C10orf90: variants seen among roughly 807,000 people sequenced by gnomAD.
The protein encoded by C10orf90 is (E2-independent) E3 ubiquitin-conjugating enzyme FATS.
A neutral mutation model predicts 62.5 loss-of-function variants in C10orf90; 56 were observed. The observed-to-expected ratio is 0.90, with a 90% confidence interval of 0.72 to 1.12. The LOEUF (loss-of-function observed/expected upper bound fraction) is 1.12, where lower values mean the gene tolerates loss of function less well. C10orf90 is among the 50% of genes most tolerant of loss of function. The probability of loss-of-function intolerance (pLI) is 0.00; values close to 1 mark genes in which losing one functional copy is unlikely to be tolerated. For missense variants in C10orf90, 970 were observed against 880.4 expected, an observed-to-expected ratio of 1.10 and a Z score of -1.29; for synonymous variants, 386 against 340.4, an observed-to-expected ratio of 1.13 and a Z score of -1.47.
At chr10:126,665,321 GA>G (rs1846604487) in intron 1 of C10orf90, among the ~76,000 whole-genome samples, 1 of 152,268 alleles carries the variant, frequency 6.6e-6, no homozygotes, top group African/African-American at 2.4e-5. Flanking sequence ...TGGAAATAGG[GA>G]AAATTGTTTT....
intron 2 of C10orf90, among the ~76,000 whole-genome samples, chr10:126,542,915 A>C (rs1864410007): frequency 1.3e-5 from 2 of 152,220 alleles, no homozygotes; most frequent in South Asian, 4.1e-4. Flanking sequence ...ATATGTGTAT[A>C]TATGTATATA....
At chr10:126,606,993 T>C (rs537653821) in intron 2 of C10orf90, among the ~76,000 whole-genome samples, 6 of 152,334 alleles carry the variant, frequency 3.9e-5, no homozygotes, top group South Asian at 2.1e-4. Flanking sequence ...GGGATTTCCA[T>C]GATCCTTAAG....
intron 4 of C10orf90, among the ~76,000 whole-genome samples, chr10:126,484,335 T>A (rs535186736): frequency 6.6e-6 from 1 of 151,890 alleles, no homozygotes; most frequent in East Asian, 1.9e-4. Flanking sequence ...GATTTAGGGG[T>A]CCCTATACAC....
In C10orf90 at chr10:126,610,176, C is replaced by T. The variant is rs370875456; in HGVS notation, c.313+36389G>A. ...GGACCATGTCCACAGGGCTCCCTGG[C>T]CTCTGGCTTCTAGGGGGTTCACCCA... On this transcript the variant is annotated intron_variant, in intron 2 of 9. Coordinates refer to ENST00000488181, the MANE Select transcript of C10orf90 (RefSeq NM_001350921.2). 9.8e-5 allele frequency among the ~76,000 whole-genome samples: 15 copies of T among 152,322 alleles called. No homozygotes were observed. In the South Asian group the frequency reaches 2.9e-3, roughly 29 times the overall value.
At chr10:126,485,551 C>T (rs1861384040) in intron 4 of C10orf90, among the ~76,000 whole-genome samples, 1 of 152,102 alleles carries the variant, frequency 6.6e-6, no homozygotes, top group African/African-American at 2.4e-5. Context: ...GCCAACTTAA[C>T]ATTCTAGTGG....
intron 7 of C10orf90, among the ~76,000 whole-genome samples, chr10:126,449,912 G>A (rs1207864601): frequency 2.0e-5 from 3 of 150,752 alleles, no homozygotes; most frequent in East Asian, 2.0e-4. Context: ...CAGAAGAATC[G>A]CTTGAACCTG....
chr10:126,626,993 TTCTTTTC>T (rs1302763381), intron 2 of C10orf90, among the ~76,000 whole-genome samples: 6,245 of 123,144 alleles, frequency 0.051, 136 homozygotes, highest in Middle Eastern at 0.096. Flanking sequence ...CTTTTTCTTT[TTCTTTTC>T]TTTTTTTTTT....
intron 2 of C10orf90, among the ~76,000 whole-genome samples, chr10:126,608,343 C>T (rs1179130061): frequency 6.6e-6 from 1 of 152,168 alleles, no homozygotes; most frequent in East Asian, 1.9e-4. Context: ...AACTCCTGGA[C>T]TCAAGCGATC....
chr10:126,566,428 A>G lies in C10orf90; in HGVS notation c.314-52489T>C, dbSNP rs147883915. ...CCTTCAGGGAACAAGAAAGAAAAAC[A>G]TCAAGAATTACCGCCAGTTTCAGTG... On this transcript the variant is annotated intron_variant, in intron 2 of 9. Coordinates refer to ENST00000488181, the MANE Select transcript of C10orf90 (RefSeq NM_001350921.2). Among the ~76,000 whole-genome samples, 228 of 152,336 alleles carry G rather than the reference A, an allele frequency of 1.5e-3. 2 individuals carry two copies. In the Middle Eastern group the frequency reaches 0.024, roughly 16 times the overall value.
At chr10:126,565,375 A>AAT (rs1844351291) in intron 2 of C10orf90, among the ~76,000 whole-genome samples, 2 of 35,438 alleles carry the variant, frequency 5.6e-5, no homozygotes, top group Admixed American at 4.6e-4. Flanking sequence ...TATTTTATAT[A>AAT]ATAATATATA....
At chr10:126,585,456 GA>G (rs1844848864) in intron 2 of C10orf90, among the ~76,000 whole-genome samples, 1 of 149,526 alleles carries the variant, frequency 6.7e-6, no homozygotes, top group Non-Finnish European at 1.5e-5. Flanking sequence ...AAGGAGGGAA[GA>G]AGGAAGGAAA....
chr10:126,440,192 C>T (rs1858214165), intron 7 of C10orf90, among the ~76,000 whole-genome samples: 1 of 152,190 alleles, frequency 6.6e-6, no homozygotes, highest in Admixed American at 6.5e-5. Flanking sequence ...TGCCTGGAAA[C>T]AGACTTGGTG....
intron 2 of C10orf90, among the ~76,000 whole-genome samples, chr10:126,576,733 TG>T (rs371793896): frequency 2.3e-5 from 1 of 44,122 alleles, no homozygotes; most frequent in African/African-American, 1.1e-4. Flanking sequence ...TACATATATA[TG>T]TATATGTATA....
chr10:126,521,445 TCAGGCTTCCACCTTC>T, intron 2 of C10orf90: 1 of 1,534,742 alleles, frequency 6.5e-7, no homozygotes, highest in Admixed American at 2.1e-5. Flanking sequence ...TCAGAATGAG[TCAGGCTTCCACCTTC>T]CAGCCTCGGC....
At chr10:126,514,174 G>T (rs1219846228) in intron 2 of C10orf90, among the ~76,000 whole-genome samples, 2 of 152,090 alleles carry the variant, frequency 1.3e-5, no homozygotes, top group Non-Finnish European at 2.9e-5. Context: ...TCTTCCATAT[G>T]ATCGTTTGTG....
intron 2 of C10orf90, chr10:126,524,475 T>A (rs960284988): frequency 2.1e-5 from 6 of 290,176 alleles, no homozygotes; most frequent in Non-Finnish European, 3.1e-5. Flanking sequence ...GGGACAGGAA[T>A]CCTGCTGGGA....
At chr10:126,545,599 T>C (rs1343045756) in intron 2 of C10orf90, among the ~76,000 whole-genome samples, 1 of 148,300 alleles carries the variant, frequency 6.7e-6, no homozygotes, top group Non-Finnish European at 1.5e-5. Context: ...AATGTTTAAA[T>C]GGGACTCTCT....
chr10:126,542,070 G>A (rs1228131128), intron 2 of C10orf90, among the ~76,000 whole-genome samples: 1 of 152,200 alleles, frequency 6.6e-6, no homozygotes, highest in African/African-American at 2.4e-5. Context: ...GACACAAAAG[G>A]TCATATAGTG....
intron 2 of C10orf90, among the ~76,000 whole-genome samples, chr10:126,540,327 A>G (rs374719795): frequency 2.0e-5 from 3 of 152,172 alleles, no homozygotes; most frequent in Admixed American, 6.5e-5. Context: ...AAACTTGACA[A>G]TTAGATTTAT....
Sources: gnomAD v4.1 joint callset for allele counts (sites outside exome capture counted in the v4.1 genomes callset) on GRCh38, gnomAD v4.1.1 for gene constraint, MANE v1.5 for transcripts, NCBI Gene and HGNC (gene_info 2026-07-23, HGNC 2026-07-21) for gene names.